Variants in CREBBP observed in about 807,000 individuals in gnomAD.
CREBBP encodes the protein CREB binding lysine acetyltransferase.
A neutral mutation model predicts 265.0 loss-of-function variants in CREBBP; 19 were observed. The observed-to-expected ratio is 0.07, with a 90% CI of 0.05 to 0.11. CREBBP has a LOEUF of 0.11. Among genes scored for constraint, CREBBP ranks in the 10% least tolerant of loss-of-function variants. CREBBP has a pLI of 1.00. For synonymous variants in CREBBP, 1,457 were observed against 1,223.7 expected (o/e 1.19, Z -3.98); for missense variants, 2,525 against 3,219.0 (o/e 0.78, Z 5.22).
rs573150883 is a variant in CREBBP, at chr16:3,865,888, G to A, written c.85+13944C>T. Among the ~76,000 whole-genome samples, 3 of 152,244 alleles carry A rather than the reference G, an allele frequency of 2.0e-5. No individual in the cohort carries two copies. The East Asian group carries it at 5.8e-4, about 29-fold the overall frequency. On this transcript the variant is annotated intron_variant, in intron 1 of 30. Coordinates refer to ENST00000262367, the MANE Select transcript of CREBBP (RefSeq NM_004380.3). ...CCTGACCTCATGATCCATCAACTCA[G>A]CCTTCCAAAGTGCAGGGATTACAGG... is the stretch of plus-strand genomic sequence containing the variant.
chr16:3,772,369 T>C (rs1412663289), intron 13 of CREBBP, among the ~76,000 whole-genome samples: 3 of 143,696 alleles, frequency 2.1e-5, no homozygotes, highest in Non-Finnish European at 4.5e-5. Flanking sequence ...ACACACACGT[T>C]AGTTACTGAA....
intron 28 of CREBBP, among the ~76,000 whole-genome samples, chr16:3,734,823 C>A (rs2052009637): frequency 6.6e-6 from 1 of 152,202 alleles, no homozygotes; most frequent in Non-Finnish European, 1.5e-5. Context: ...GCTCCGCCTA[C>A]AGCCCATCCG....
chr16:3,841,202 T>C (rs1260756462), intron 2 of CREBBP, among the ~76,000 whole-genome samples: 1 of 152,134 alleles, frequency 6.6e-6, no homozygotes, highest in Non-Finnish European at 1.5e-5. Flanking sequence ...TGAACGTATC[T>C]GAATAACTTC....
chr16:3,842,967 CAAAAAAAAAAAAAAAA>C (rs59990532), intron 2 of CREBBP, among the ~76,000 whole-genome samples: 1 of 65,230 alleles, frequency 1.5e-5, no homozygotes, highest in African/African-American at 6.4e-5. Flanking sequence ...ACTCCCATCT[CAAAAAAAAAAAAAAAA>C]AAAAAAAAAA....
rs963443705 is a variant in CREBBP at position 3,764,956 on chromosome 16, G to GT, written c.3250+2763dup. 1.5e-3 allele frequency among the ~76,000 whole-genome samples: 221 copies of GT among 145,578 alleles called. 1 individual carries two copies. Among genetic ancestry groups the GT allele is most frequent in the South Asian group, 5.7e-3 (26 of 4,592 alleles). Reference sequence around the variant, plus strand: ...CTTAAGCGTTTGGTACATGTGTGTGGTTTTTTTTTTTGTTTTGTTTTTGTT... The same window carrying GT: ...CTTAAGCGTTTGGTACATGTGTGTGGTTTTTTTTTTTTGTTTTGTTTTTGTT... On this transcript the variant is annotated intron_variant, in intron 16 of 30. Coordinates refer to ENST00000262367, the MANE Select transcript of CREBBP (RefSeq NM_004380.3).
intron 19 of CREBBP, among the ~76,000 whole-genome samples, chr16:3,755,470 G>C (rs1186216796): frequency 6.6e-6 from 1 of 152,126 alleles, no homozygotes; most frequent in African/African-American, 2.4e-5. Flanking sequence ...ACTTTATTTT[G>C]CTTGGCACAA....
chr16:3,833,740 T>TACA (rs1490890259), intron 2 of CREBBP, among the ~76,000 whole-genome samples: 1 of 152,148 alleles, frequency 6.6e-6, no homozygotes, highest in African/African-American at 2.4e-5. Flanking sequence ...AAAGCTAAAG[T>TACA]ACAACTATGA....
chr16:3,852,996 C>G lies in CREBBP; in HGVS notation c.86-1987G>C, dbSNP rs116809845. Among the ~76,000 whole-genome samples, 264 of 151,848 alleles carry G rather than the reference C, an allele frequency of 1.7e-3. 1 individual carries two copies. Among genetic ancestry groups the G allele is most frequent in the African/African-American group, 6.1e-3 (253 of 41,432 alleles). On this transcript the variant is annotated intron_variant, in intron 1 of 30. Transcript: ENST00000262367. ...AAAAAAAAAAAGCACAAAAAATACC[C>G]AGAGGCAGTTTTTCCTAGTGGTTAC...
At chr16:3,796,541 C>A (rs997753836) in intron 3 of CREBBP, among the ~76,000 whole-genome samples, 3 of 152,122 alleles carry the variant, frequency 2.0e-5, no homozygotes, top group Non-Finnish European at 2.9e-5. Flanking sequence ...TGCCCACCAC[C>A]ACGCCTGGCT....
chr16:3,858,007 A>C (rs2054998817), intron 1 of CREBBP, among the ~76,000 whole-genome samples: 1 of 152,224 alleles, frequency 6.6e-6, no homozygotes, highest in Non-Finnish European at 1.5e-5. Flanking sequence ...ACTGTTTACC[A>C]AGCAAGGTAC....
intron 23 of CREBBP, 49 bp downstream of exon 23, chr16:3,744,845 A>C (rs373738646): frequency 3.5e-5 from 49 of 1,388,450 alleles, no homozygotes; most frequent in Non-Finnish European, 8.2e-6. Flanking sequence ...AATTTCTACA[A>C]GTTTCTAAAA....
chr16:3,726,625 A>G lies in CREBBP; in HGVS notation c.*1093T>C, dbSNP rs534603318. 1 of 233,736 alleles carries G rather than the reference A, an allele frequency of 4.3e-6. No homozygotes were observed. Among genetic ancestry groups the G allele is most frequent in the South Asian group, 1.8e-4 (1 of 5,536 alleles). The allele number at this position is 233,736 out of a possible 1,614,324, so 14.5% of individuals were successfully genotyped here. On this transcript the variant is annotated 3_prime_UTR_variant, in exon 31 of 31. Transcript: ENST00000262367. ...AAATAAAAACCTTAAACATTCTTAC[A>G]GGGATCTTAAAGAACAGAATACATG...
intron 2 of CREBBP, among the ~76,000 whole-genome samples, chr16:3,818,563 AT>A (rs2054083793): frequency 6.6e-6 from 1 of 151,956 alleles, no homozygotes; most frequent in African/African-American, 2.4e-5. Flanking sequence ...ACCTCAAGTG[AT>A]CCGCCTGCCT....
chr16:3,725,524 T>G lies in CREBBP; in HGVS notation c.*2194A>C, dbSNP rs1213044695. 1 of 233,122 alleles carries G rather than the reference T, an allele frequency of 4.3e-6. No individual in the cohort carries two copies. The highest frequency in any genetic ancestry group is 2.2e-5 in the African/African-American group (1 of 45,326). The allele number at this position is 233,122 out of a possible 1,614,324, so 14.4% of individuals were successfully genotyped here. A position where few individuals can be genotyped will look rare whatever the true frequency, so the allele number is the denominator to read the frequency against. ...GAAAAGATGAAGAGGACACTGGAGG[T>G]TAAGAACCCAGCAGGCCGAGCAGTG... is the stretch of plus-strand genomic sequence containing the variant. On this transcript the variant is annotated 3_prime_UTR_variant, in exon 31 of 31. Coordinates refer to ENST00000262367, the MANE Select transcript of CREBBP (RefSeq NM_004380.3).
In CREBBP at chr16:3,810,702, T is replaced by A. The variant is rs1372867004; in HGVS notation, c.876A>T (p.Gly292=). ...GTTTGCTGGCTAACTGGGGGTTCACTCCAGTGGCTCCCATTGGCTGCCCTC... is the reference window on the plus strand; with the variant it reads ...GTTTGCTGGCTAACTGGGGGTTCACACCAGTGGCTCCCATTGGCTGCCCTC... ...QAGGQPMGAT[G]VNPQLASKQS... Residue 292 remains glycine, a synonymous_variant, in exon 3 of 31, where the codon GGA becomes GGT. Coordinates refer to ENST00000262367, the MANE Select transcript of CREBBP (RefSeq NM_004380.3). 1.2e-6 allele frequency: 2 copies of A among 1,613,768 alleles called. No homozygotes were observed. Among genetic ancestry groups the A allele is most frequent in the East Asian group, 2.2e-5 (1 of 44,890 alleles).
intron 2 of CREBBP, among the ~76,000 whole-genome samples, chr16:3,827,003 TAG>T (rs1244248933): frequency 6.6e-6 from 1 of 152,188 alleles, no homozygotes; most frequent in East Asian, 1.9e-4. Context: ...GTTCTCAACA[TAG>T]AGTCTACTCA....
intron 26 of CREBBP, among the ~76,000 whole-genome samples, chr16:3,737,326 C>T (rs916236838): frequency 3.3e-5 from 5 of 152,284 alleles, no homozygotes; most frequent in South Asian, 4.2e-4. Flanking sequence ...AGACAGCATA[C>T]GCTGCAGGGT....
chr16:3,765,336 T>A (rs1414353973), intron 16 of CREBBP, among the ~76,000 whole-genome samples: 1 of 152,196 alleles, frequency 6.6e-6, no homozygotes, highest in East Asian at 1.9e-4. Flanking sequence ...TCACACAGAA[T>A]AAAAGATGTG....
intron 2 of CREBBP, among the ~76,000 whole-genome samples, chr16:3,823,071 T>A (rs1251366000): frequency 2.6e-5 from 4 of 152,178 alleles, no homozygotes; most frequent in Non-Finnish European, 5.9e-5. Context: ...ATAATCCCCA[T>A]AAAACACACA....
Sources: gnomAD v4.1 joint callset for allele counts (sites outside exome capture counted in the v4.1 genomes callset) on GRCh38, gnomAD v4.1.1 for gene constraint, MANE v1.5 for transcripts, NCBI Gene and HGNC (gene_info 2026-07-23, HGNC 2026-07-21) for gene names.